Variants in SYTL2 observed in about 807,000 individuals in gnomAD.
SYTL2 encodes the protein synaptotagmin like 2.
A neutral mutation model predicts 198.7 loss-of-function variants in SYTL2; 165 were observed. The ratio of observed to expected loss-of-function variants is 0.83; its 90% CI spans 0.73 to 0.94. The LOEUF is 0.94. Ranked by LOEUF, SYTL2 falls within the 40% of genes least tolerant of loss-of-function variation. SYTL2 has a pLI of 0.00. For missense variants in SYTL2, 2,835 were observed against 2,582.8 expected, an observed-to-expected ratio of 1.10 and a Z score of -2.12; for synonymous variants, 966 against 917.7, an observed-to-expected ratio of 1.05 and a Z score of -0.95.
chr11:85,717,599 A>C (rs2087540555), intron 10 of SYTL2, 69 bp from the exon 11 acceptor site: 3 of 1,318,508 alleles, frequency 2.3e-6, no homozygotes, highest in Non-Finnish European at 3.3e-6. Flanking sequence ...ATGAAAGTAA[A>C]GCTCAAATGT....
At chr11:85,746,490 G>A (rs1247549782) in intron 3 of SYTL2, among the ~76,000 whole-genome samples, 4 of 152,316 alleles carry the variant, frequency 2.6e-5, no homozygotes, top group Admixed American at 1.3e-4. Flanking sequence ...ATTATTCTAT[G>A]AGAGCTATTT....
intron 1 of SYTL2, among the ~76,000 whole-genome samples, chr11:85,773,197 C>T (rs1270119769): frequency 6.6e-6 from 1 of 152,168 alleles, no homozygotes; most frequent in Non-Finnish European, 1.5e-5. Flanking sequence ...GGTCTTCTGC[C>T]ATTGTAAGAC....
chr11:85,709,249 G>T, intron 14 of SYTL2, 82 bp downstream of exon 14: 1 of 1,401,634 alleles, frequency 7.1e-7, no homozygotes, highest in Non-Finnish European at 1.0e-6. Flanking sequence ...CCCTCCTCTT[G>T]ATTACTTTAT....
At chr11:85,801,988 G>A (rs988823086) in intron 1 of SYTL2, among the ~76,000 whole-genome samples, 13 of 151,270 alleles carry the variant, frequency 8.6e-5, no homozygotes, top group Admixed American at 3.3e-4. Flanking sequence ...CTAAGTTTTT[G>A]TATTTTTAGT....
intron 2 of SYTL2, among the ~76,000 whole-genome samples, chr11:85,750,029 C>T (rs1045783541): frequency 6.6e-6 from 1 of 152,138 alleles, no homozygotes; most frequent in African/African-American, 2.4e-5. Context: ...CACGCCCATA[C>T]CCCACTTGCC....
At chr11:85,815,932 G>A (rs1019463478), upstream of SYTL2, among the ~76,000 whole-genome samples, 1 of 152,154 alleles carries the variant, frequency 6.6e-6, no homozygotes, top group Admixed American at 6.5e-5. Context: ...GGGAAGCCAG[G>A]GCTGGTGGAT....
chr11:85,736,452 C>G, intron 6 of SYTL2, 49 bp downstream of exon 6: 1 of 970,412 alleles, frequency 1.0e-6, no homozygotes, highest in Non-Finnish European at 1.6e-6. Context: ...TTCCCTTAGT[C>G]CACAGATAAC....
chr11:85,724,428 G>A lies in SYTL2; in HGVS notation c.4930C>T (p.Leu1644Phe), dbSNP rs1270307775. Residue 1644 changes from leucine (L) to phenylalanine (F), a missense_variant, in exon 8 of 20, where the codon CTT becomes TTT. Physicochemically the swap from Leu to Phe is conservative, Grantham distance 22. This residue lies in a region of SYTL2 where 2,645 missense variants were observed against 2,381.7 expected (regional missense o/e 1.11). Transcript: ENST00000359152. ...AAATCTACCAATAAATCAGTCACAA[G>A]TGCGTCTCCTCCCAACATTTTATCA... ...QCDKMLGGDA[L>F]VTDLLVDFCG... is the part of the protein sequence containing the mutation. The A allele has an allele frequency of 6.2e-7, 1 of 1,608,972 alleles. No individual in the cohort carries two copies. The highest frequency in any genetic ancestry group is 2.2e-5 in the East Asian group (1 of 44,890).
chr11:85,829,196 G>A, the SYTL2 span, among the ~76,000 whole-genome samples: 1 of 152,138 alleles, frequency 6.6e-6, no homozygotes, highest in Non-Finnish European at 1.5e-5. Context: ...AGTAAGCATA[G>A]TACCAAATAG....
At chr11:85,768,709 A>G (rs1361622387) in intron 1 of SYTL2, among the ~76,000 whole-genome samples, 1 of 152,174 alleles carries the variant, frequency 6.6e-6, no homozygotes, top group Non-Finnish European at 1.5e-5. Context: ...GCAAGCACAC[A>G]CACTCCCACC....
intron 12 of SYTL2, among the ~76,000 whole-genome samples, 193 bp downstream of exon 12, chr11:85,714,220 T>C (rs1411000511): frequency 1.3e-5 from 2 of 152,244 alleles, no homozygotes; most frequent in Non-Finnish European, 2.9e-5. Flanking sequence ...AAGGAGTTAC[T>C]GTTTGAGTCA....
At chr11:85,721,169 C>T (rs1478002655) in intron 8 of SYTL2, among the ~76,000 whole-genome samples, 2 of 152,040 alleles carry the variant, frequency 1.3e-5, no homozygotes, top group African/African-American at 4.8e-5. Context: ...TATTTGCAAA[C>T]GTAAACCCTA....
rs764412707 is a variant in SYTL2, at chr11:85,726,173, ACCTGGAGTATGC to A, written c.3173_3184del (p.Gly1058_Gln1061del). The stretch of plus-strand genomic sequence containing the variant: ...AGGAAATGTGATTTCATCTGGTAGC[ACCTGGAGTATGC>A]CCTTTGAATTTAATTTCTCCATTTC... On this transcript the variant is annotated inframe_deletion, in exon 8 of 20. Transcript: ENST00000359152. 4.3e-6 allele frequency: 7 copies of A among 1,614,008 alleles called. No homozygotes were observed. Among genetic ancestry groups the A allele is most frequent in the Non-Finnish European group, 5.9e-6 (7 of 1,179,952 alleles).
intron 9 of SYTL2, among the ~76,000 whole-genome samples, chr11:85,719,591 C>G (rs2087952243): frequency 6.6e-6 from 1 of 151,986 alleles, no homozygotes; most frequent in Non-Finnish European, 1.5e-5. Flanking sequence ...GGATTCGACT[C>G]GCCTTCTCTG....
At chr11:85,794,038 GT>G (rs981750306) in intron 1 of SYTL2, among the ~76,000 whole-genome samples, 1 of 151,342 alleles carries the variant, frequency 6.6e-6, no homozygotes, top group East Asian at 1.9e-4. Context: ...AGCAGATTCA[GT>G]TTTTTTTTCT....
chr11:85,852,950 C>T, the SYTL2 span: 1 of 306,534 alleles, frequency 3.3e-6, no homozygotes, highest in Non-Finnish European at 6.4e-6. Context: ...CCCGGCCGCC[C>T]CGTCTGAGAA....
the SYTL2 span, among the ~76,000 whole-genome samples, chr11:85,851,336 C>G: frequency 6.6e-6 from 1 of 152,172 alleles, no homozygotes; most frequent in African/African-American, 2.4e-5. Flanking sequence ...GTCTGATTTA[C>G]CAAAAGTTTG....
intron 1 of SYTL2, among the ~76,000 whole-genome samples, chr11:85,808,225 C>T (rs565561286): frequency 5.3e-5 from 8 of 152,146 alleles, no homozygotes; most frequent in East Asian, 3.9e-4. Context: ...TGCCACCACG[C>T]GCAGCTAAGT....
chr11:85,842,516 C>T, the SYTL2 span, among the ~76,000 whole-genome samples: 1 of 152,212 alleles, frequency 6.6e-6, no homozygotes, highest in Non-Finnish European at 1.5e-5. Flanking sequence ...TGTTTGTTAG[C>T]GTATCCTGAT....
Sources: gnomAD v4.1 joint callset for allele counts (sites outside exome capture counted in the v4.1 genomes callset) on GRCh38, gnomAD v4.1.1 for gene constraint, gnomAD v4.1.1 regional missense constraint, MANE v1.5 for transcripts, NCBI Gene and HGNC (gene_info 2026-07-23, HGNC 2026-07-21) for gene names.